Variants in DNAH14 observed in about 807,000 individuals in gnomAD.
DNAH14 encodes the protein axonemal beta dynein heavy chain 14.
Under a neutral mutation model 520.9 loss-of-function variants are expected in DNAH14, and 478 were observed. That is an observed-to-expected ratio of 0.92 (90% CI 0.85 to 0.99). The LOEUF (loss-of-function observed/expected upper bound fraction) is 0.99. Among genes scored for constraint, DNAH14 ranks in the 50% least tolerant of loss-of-function variants. The pLI is 0.00. For synonymous variants in DNAH14, 1,581 were observed against 1,757.2 expected (o/e 0.90, Z 2.51); for missense variants, 4,831 against 5,234.5 (o/e 0.92, Z 2.38).
intron 62 of DNAH14, 61 bp from the exon 63 acceptor site, chr1:225,324,161 G>A: frequency 6.5e-7 from 1 of 1,534,224 alleles, no homozygotes; most frequent in Non-Finnish European, 8.8e-7. Flanking sequence ...TGTAGACTGG[G>A]GAAAACTTCA....
chr1:225,078,879 T>C (rs1572911812), intron 17 of DNAH14, among the ~76,000 whole-genome samples: 1 of 131,098 alleles, frequency 7.6e-6, no homozygotes. Context: ...TCTCTCTCTC[T>C]CTCTCTCTCT....
chr1:225,075,991 A>AGCCTGGGTCAACAGATGGGAAG (rs372178554), intron 17 of DNAH14, among the ~76,000 whole-genome samples: 120,209 of 152,088 alleles, frequency 0.79, 50,758 homozygotes, highest in Non-Finnish European at 0.95. Context: ...TGGCTGGTCC[A>AGCCTGGGTCAACAGATGGGAAG]GCCTAGGGCC....
At chr1:224,980,281 A>T (rs1016109848) in intron 8 of DNAH14, among the ~76,000 whole-genome samples, 1 of 152,102 alleles carries the variant, frequency 6.6e-6, no homozygotes, top group Non-Finnish European at 1.5e-5. Context: ...GTGAGTCCCA[A>T]ACCTGGCAAC....
At chr1:225,350,063 A>G (rs2095344359) in intron 71 of DNAH14, among the ~76,000 whole-genome samples, 1 of 152,206 alleles carries the variant, frequency 6.6e-6, no homozygotes, top group South Asian at 2.1e-4. Context: ...ACAAGTCTTA[A>G]CAAATTCAAG....
chr1:225,008,424 C>T (rs572984307), intron 10 of DNAH14, among the ~76,000 whole-genome samples: 2 of 152,072 alleles, frequency 1.3e-5, no homozygotes, highest in South Asian at 4.1e-4. Context: ...ATTTATAATC[C>T]TTTGGGTATA....
At chr1:225,391,718 G>A (rs1442378281) in intron 83 of DNAH14, among the ~76,000 whole-genome samples, 1 of 152,116 alleles carries the variant, frequency 6.6e-6, no homozygotes, top group Admixed American at 6.5e-5. Flanking sequence ...AGCACAGGGA[G>A]AGGAGCAGGC....
intron 1 of DNAH14, among the ~76,000 whole-genome samples, chr1:224,941,681 T>TTG: frequency 1.3e-5 from 2 of 152,364 alleles, no homozygotes; most frequent in South Asian, 2.1e-4. Context: ...GAATTAATTT[T>TTG]TATACCAGGT....
intron 69 of DNAH14, among the ~76,000 whole-genome samples, chr1:225,344,651 A>G (rs2095257547): frequency 6.6e-6 from 1 of 152,052 alleles, no homozygotes; most frequent in Admixed American, 6.6e-5. Context: ...TAGGTTGATT[A>G]CATGCCTTAG....
rs201873499 is a variant in DNAH14 at position 225,144,510 on chromosome 1, C to T, written c.4622C>T (p.Thr1541Met). ...GGCTGTACCTCAAGATTGGTTATTA[C>T]GCCTCTCACAGACCGATGCTGGCTG... The part of the protein sequence containing the change: ...YLGCTSRLVI[T>M]PLTDRCWLTL... Residue 1541 changes from threonine to methionine, a missense_variant, in exon 29 of 86, where the codon ACG becomes ATG. Transcript: ENST00000682510. 1.8e-5 allele frequency: 28 copies of T among 1,551,306 alleles called. No individual in the cohort carries two copies. The highest frequency in any genetic ancestry group is 1.7e-4 in the Middle Eastern group (1 of 6,012).
At chr1:225,037,580 A>G (rs2067086481) in intron 11 of DNAH14, among the ~76,000 whole-genome samples, 1 of 152,144 alleles carries the variant, frequency 6.6e-6, no homozygotes, top group Non-Finnish European at 1.5e-5. Context: ...TTATTTGTAC[A>G]ATCTGTGTCT....
chr1:225,127,014 G>A lies in DNAH14; in HGVS notation c.4254+3400G>A, dbSNP rs376120087. Among the ~76,000 whole-genome samples, 941 of 150,582 alleles carry A rather than the reference G, an allele frequency of 6.2e-3. 3 individuals carry two copies. The highest frequency in any genetic ancestry group is 8.5e-3 in the Non-Finnish European group (574 of 67,586). ...TTGTTCAGTTTCCATGTAGTTGAGCGGTTTTGAGTGAGTTTCTTAATCCTG... is the reference window on the plus strand; with the variant it reads ...TTGTTCAGTTTCCATGTAGTTGAGCAGTTTTGAGTGAGTTTCTTAATCCTG... On this transcript the variant is annotated intron_variant, in intron 27 of 85. Transcript: ENST00000682510.
At chr1:225,358,922 C>T (rs1428591082) in intron 74 of DNAH14, among the ~76,000 whole-genome samples, 2 of 152,190 alleles carry the variant, frequency 1.3e-5, no homozygotes, top group African/African-American at 4.8e-5. Flanking sequence ...CCTGCTTCTC[C>T]TTTGCCTTCT....
chr1:225,321,230 A>G (rs2094550634), intron 61 of DNAH14, among the ~76,000 whole-genome samples: 1 of 152,226 alleles, frequency 6.6e-6, no homozygotes, highest in African/African-American at 2.4e-5. Context: ...AAATGAACAC[A>G]TAGGTTAGAA....
intron 8 of DNAH14, among the ~76,000 whole-genome samples, chr1:225,001,109 T>C (rs1256066348): frequency 1.3e-5 from 2 of 151,972 alleles, no homozygotes; most frequent in Non-Finnish European, 2.9e-5. Flanking sequence ...AATGGACTTT[T>C]TTTTTTTTTA....
At chr1:225,187,201 T>C (rs2084869216) in intron 37 of DNAH14, among the ~76,000 whole-genome samples, 1 of 151,848 alleles carries the variant, frequency 6.6e-6, no homozygotes, top group Non-Finnish European at 1.5e-5. Context: ...AAGTGTACAT[T>C]CTGGTGACAT....
At chr1:225,006,904 T>C (rs1158362074) in intron 9 of DNAH14, among the ~76,000 whole-genome samples, 1 of 152,204 alleles carries the variant, frequency 6.6e-6, no homozygotes, top group Non-Finnish European at 1.5e-5. Flanking sequence ...AATCTGCCGA[T>C]ATGTGATGTC....
intron 29 of DNAH14, among the ~76,000 whole-genome samples, chr1:225,145,055 T>C (rs1302825803): frequency 1.3e-5 from 2 of 152,148 alleles, no homozygotes; most frequent in Non-Finnish European, 1.5e-5. Flanking sequence ...ATATAGTTTG[T>C]GACCTAGAAT....
intron 21 of DNAH14, among the ~76,000 whole-genome samples, chr1:225,086,669 GA>G (rs1038261783): frequency 6.6e-6 from 1 of 151,232 alleles, no homozygotes; most frequent in East Asian, 1.9e-4. Context: ...ATAAATTACA[GA>G]AAAAAATAAA....
At chr1:225,160,995 A>T (rs2081459523) in intron 35 of DNAH14, among the ~76,000 whole-genome samples, 1 of 152,016 alleles carries the variant, frequency 6.6e-6, no homozygotes. Flanking sequence ...AGCTTATAAG[A>T]TTTTCAAATT....
Sources: allele counts gnomAD v4.1 joint callset (sites outside exome capture counted in the v4.1 genomes callset), GRCh38; gene constraint gnomAD v4.1.1; transcripts MANE v1.5; gene names NCBI Gene and HGNC (gene_info 2026-07-23, HGNC 2026-07-21).